The following MUC4 variants were observed in gnomAD, a reference collection of about 807,000 sequenced individuals.
MUC4 encodes the protein mucin 4, cell surface associated, also known as mucin-4.
In MUC4, 202 loss-of-function variants were observed where a neutral mutation model predicts 257.9. That is an observed-to-expected ratio of 0.78 (90% confidence interval 0.70 to 0.88). MUC4 has a LOEUF of 0.88. Ranked by LOEUF, MUC4 falls within the 40% of genes least tolerant of loss-of-function variation. The pLI is 0.00. For synonymous variants in MUC4, 2,351 were observed against 2,757.1 expected, an observed-to-expected ratio of 0.85 and a Z score of 4.62; for missense variants, 5,976 against 6,513.7, an observed-to-expected ratio of 0.92 and a Z score of 2.84.
intron 3 of MUC4, 94 bp downstream of exon 3, chr3:195,778,209 C>A: frequency 6.9e-7 from 1 of 1,443,292 alleles, no homozygotes; most frequent in African/African-American, 1.5e-5. Flanking sequence ...GCCCTCCCCA[C>A]CCGAGAGAGC....
intron 21 of MUC4, chr3:195,751,702 T>C: frequency 3.8e-6 from 1 of 261,530 alleles, no homozygotes; most frequent in South Asian, 6.3e-5. Flanking sequence ...AGGTGACAAA[T>C]GTCAACAGAT....
At chr3:195,774,026 G>T in intron 4 of MUC4, 146 bp downstream of exon 4, 1 of 1,116,794 alleles carries the variant, frequency 9.0e-7, no homozygotes, top group Non-Finnish European at 1.2e-6. Context: ...CTCAGGCAGA[G>T]GCCTGACATT....
At chr3:195,753,281 C>G in intron 19 of MUC4, 51 bp from the exon 20 acceptor site, 1 of 1,574,780 alleles carries the variant, frequency 6.4e-7, no homozygotes, top group Non-Finnish European at 8.7e-7. Context: ...AGCAGAGGGA[C>G]GGCCCAGCCC....
At chr3:195,765,167 G>A (rs758829562) in intron 9 of MUC4, 45 bp from the exon 10 acceptor site, 3 of 1,589,026 alleles carry the variant, frequency 1.9e-6, no homozygotes, top group Admixed American at 3.4e-5. Flanking sequence ...GGGGCTGCCA[G>A]GGGCGGGGTG....
Position 195,788,932 on chromosome 3 carries a change from C to A in MUC4, c.2648G>T (p.Gly883Val), listed in dbSNP as rs781736727. Residue 883 changes from glycine (G) to valine (V), a missense_variant, in exon 2 of 25, where the codon GGG becomes GTG. This residue lies in a region of MUC4 where 1,583 missense variants were observed against 1,257.4 expected (regional missense o/e 1.26). Transcript: ENST00000463781. Reference protein sequence around the residue: ...HPTLSEASTAGRPTGQSSPTS... With the variant: ...HPTLSEASTAVRPTGQSSPTS... ...TGGGCTTGACTGTCCTGTCGGTCTC[C>A]CTGCAGTGGAGGCCTCAGAGAGGGT... The A allele has an allele frequency of 5.0e-6, 8 of 1,613,406 alleles. No individual in the cohort carries two copies. In the East Asian group the frequency reaches 1.8e-4, roughly 36 times the overall value.
In MUC4 at chr3:195,782,683, G is replaced by T. The variant is rs1460224375; in HGVS notation, c.8897C>A (p.Thr2966Asn). 7.6e-7 allele frequency: 1 copy of T among 1,315,826 alleles called. No homozygotes were observed. Among genetic ancestry groups the T allele is most frequent in the Admixed American group, 2.2e-5 (1 of 45,322 alleles). 81.5% of individuals were successfully genotyped at this position (1,315,826 alleles called of 1,614,324 possible). A position where few individuals can be genotyped will look rare whatever the true frequency, so the allele number is the denominator to read the frequency against. The change falls in exon 2 of 25, where the codon ACT (threonine) becomes AAT (asparagine). Residue 2966 changes from threonine (T) to asparagine (N), a missense_variant. This residue lies in a region of MUC4 where 13 missense variants were observed against 52.4 expected (regional missense o/e 0.25). Coordinates refer to ENST00000463781, the MANE Select transcript of MUC4 (RefSeq NM_018406.7). The part of the protein sequence containing the change: ...GHATSLPVTD[T>N]SSASTGHATP... ...GGCGTGACCTGTGGATGCTGAGGAAGTGTCGGTGACAGGAAGAGAGGTGGC... is the reference window on the plus strand; with the variant it reads ...GGCGTGACCTGTGGATGCTGAGGAATTGTCGGTGACAGGAAGAGAGGTGGC...
intron 14 of MUC4, 120 bp downstream of exon 14, chr3:195,761,967 G>T: frequency 2.5e-6 from 3 of 1,220,558 alleles, no homozygotes; most frequent in Non-Finnish European, 3.4e-6. Flanking sequence ...TGCCCCAAGG[G>T]TTCTGCTCCA....
Position 195,765,014 on chromosome 3 carries a change from T to C in MUC4, c.13907A>G (p.Gln4636Arg). The change falls in exon 10 of 25, where the codon CAG (glutamine) becomes CGG (arginine). Residue 4636 changes from glutamine (Q) to arginine (R), a missense_variant. Physicochemically the swap from Gln to Arg is conservative, Grantham distance 43 (BLOSUM62 1). Around this residue, in one of 44 missense-constraint regions of MUC4, gnomAD observed 996 missense variants for 1,137.3 expected, o/e 0.88. Transcript: ENST00000463781. ...WGEFREGWHV[Q>R]RPWQLAQELE... is the part of the protein sequence containing the mutation. Reference sequence around the variant, plus strand: ...TCACGCACCCAACTGCCAAGGACGCTGCACGTGCCAGCCTTCACGAAACTC... The same window carrying C: ...TCACGCACCCAACTGCCAAGGACGCCGCACGTGCCAGCCTTCACGAAACTC... 1 of 1,613,900 alleles carries C rather than the reference T, an allele frequency of 6.2e-7. No individual in the cohort carries two copies. Among genetic ancestry groups the C allele is most frequent in the South Asian group, 1.1e-5 (1 of 91,082 alleles).
chr3:195,783,872 A>C lies in MUC4; in HGVS notation c.7708T>G (p.Ser2570Ala). The stretch of plus-strand genomic sequence containing the variant: ...GGAAGAGGGGTGGCGTGACCTGTGG[A>C]TGCTGCGGAAGTGTCGGTGACAGGA... ...SLPVTDTSAA[S>A]TGHATPLPVT... Residue 2570 changes from serine (S) to alanine (A), a missense_variant, in exon 2 of 25, where the codon TCC becomes GCC. Ser to Ala is a moderately conservative substitution (Grantham distance 99). Coordinates refer to ENST00000463781, the MANE Select transcript of MUC4 (RefSeq NM_018406.7). 1 of 1,506,874 alleles carries C rather than the reference A, an allele frequency of 6.6e-7. No homozygotes were observed. Among genetic ancestry groups the C allele is most frequent in the Non-Finnish European group, 8.9e-7 (1 of 1,121,088 alleles). 93.3% of individuals were successfully genotyped at this position (1,506,874 alleles called of 1,614,324 possible). A position where few individuals can be genotyped will look rare whatever the true frequency, so the allele number is the denominator to read the frequency against.
chr3:195,762,751 C>CGGCCCTGCACCGCCACGCACCA, intron 13 of MUC4, 104 bp downstream of exon 13: 5 of 1,060,366 alleles, frequency 4.7e-6, no homozygotes, highest in South Asian at 3.6e-5. Flanking sequence ...ACAACGCACC[C>CGGCCCTGCACCGCCACGCACCA]GGCCCTGCAC....
rs543953318 is a variant in MUC4 at position 195,779,369 on chromosome 3, A to T, written c.12211T>A (p.Ser4071Thr). 2.7e-6 allele frequency: 3 copies of T among 1,120,040 alleles called. 1 individual carries two copies. The highest frequency in any genetic ancestry group is 3.6e-6 in the Non-Finnish European group (3 of 830,214). 69.4% of individuals were successfully genotyped at this position (1,120,040 alleles called of 1,614,324 possible). A position where few individuals can be genotyped will look rare whatever the true frequency, so the allele number is the denominator to read the frequency against. Residue 4071 changes from serine to threonine, a missense_variant, in exon 2 of 25, where the codon TCC becomes ACC. Around this residue, in one of 44 missense-constraint regions of MUC4, gnomAD observed 293 missense variants for 294.5 expected, o/e 1.00. Coordinates refer to ENST00000463781, the MANE Select transcript of MUC4 (RefSeq NM_018406.7). ...CTGGTGTCACCTCTGGATGCTGAGG[A>T]AGGGCTGGTGACATGAAGAGGGGTG... ...HATPLHVTSP[S>T]SASRGDTSTL... is the part of the protein sequence containing the mutation.
In MUC4 at chr3:195,811,912, C is replaced by A; in HGVS notation, c.-95G>T. On this transcript the variant is annotated 5_prime_UTR_variant, in exon 1 of 25. Transcript: ENST00000463781. ...GACGTGAGCCCGTCCCCTCAGGCGG[C>A]TGGCCCGAACCAAGTGCGTTTCTCC... The A allele has an allele frequency of 8.0e-7, 1 of 1,251,872 alleles. No homozygotes were observed. Among genetic ancestry groups the A allele is most frequent in the Non-Finnish European group, 1.1e-6 (1 of 886,746 alleles). The allele number at this position is 1,251,872 out of a possible 1,614,324, so 77.5% of individuals were successfully genotyped here. A position where few individuals can be genotyped will look rare whatever the true frequency, so the allele number is the denominator to read the frequency against.
At chr3:195,769,472 C>T in intron 6 of MUC4, 1 of 329,910 alleles carries the variant, frequency 3.0e-6, no homozygotes, top group Non-Finnish European at 5.7e-6. Flanking sequence ...TGAGATCAGC[C>T]AAGATACCAG....
chr3:195,771,169 T>C (rs1174270908), intron 5 of MUC4, among the ~76,000 whole-genome samples: 1 of 136,826 alleles, frequency 7.3e-6, no homozygotes, highest in Non-Finnish European at 1.6e-5. Flanking sequence ...TCCTGGTCAG[T>C]CTCGTGGTTG....
Position 195,757,081 on chromosome 3 carries a change from A to C in MUC4, c.15168+66T>G. On this transcript the variant is annotated intron_variant, in intron 18 of 24. Coordinates refer to ENST00000463781, the MANE Select transcript of MUC4 (RefSeq NM_018406.7). This position sits in a 1 kb window ranked among gnomAD's most constrained non-coding sequence, Gnocchi z 4.8. ...CACCCAGGACAGGCAGAATCACAGC[A>C]TCCATTCCACTCCCATTTCCTCTCC... The C allele has an allele frequency of 6.7e-7, 1 of 1,497,518 alleles. No individual in the cohort carries two copies. Among genetic ancestry groups the C allele is most frequent in the Non-Finnish European group, 9.1e-7 (1 of 1,094,088 alleles). 92.8% of individuals were successfully genotyped at this position (1,497,518 alleles called of 1,614,324 possible).
Position 195,769,061 on chromosome 3 carries a change from G to A in MUC4, c.13490C>T (p.Ala4497Val). Reference sequence around the variant, plus strand: ...GAGCACCGGGTTGCCTGAGCGCTGGGCCACGTCCCACTGCATCCCACCGCT... The same window carrying A: ...GAGCACCGGGTTGCCTGAGCGCTGGACCACGTCCCACTGCATCCCACCGCT... ...YQSGGMQWDV[A>V]QRSGNPVLMG... is the part of the protein sequence containing the mutation. Residue 4497 changes from alanine to valine, a missense_variant, in exon 7 of 25, where the codon GCC becomes GTC. Physicochemically the swap from Ala to Val is moderately conservative, Grantham distance 64 (BLOSUM62 0). Transcript: ENST00000463781. 2 of 1,614,038 alleles carry A rather than the reference G, an allele frequency of 1.2e-6. No homozygotes were observed. The highest frequency in any genetic ancestry group is 1.7e-6 in the Non-Finnish European group (2 of 1,180,000).
intron 21 of MUC4, 151 bp downstream of exon 21, chr3:195,752,222 C>T (rs1217261402): frequency 1.4e-6 from 1 of 712,714 alleles, no homozygotes; most frequent in Admixed American, 2.4e-5. Flanking sequence ...TTCCTAATGC[C>T]CTGCACCTCC....
intron 1 of MUC4, among the ~76,000 whole-genome samples, chr3:195,799,581 C>T (rs561062235): frequency 1.7e-4 from 26 of 152,248 alleles, no homozygotes; most frequent in African/African-American, 5.8e-4. Flanking sequence ...GGATTACAGG[C>T]GTGAGCCACC....
At position 195,784,680 on chromosome 3, in the gene MUC4, A is replaced by C. The variant is rs1459649931; in HGVS notation, c.6900T>G (p.Gly2300=). The stretch of plus-strand genomic sequence containing the variant: ...CGGTGACATGAAGAGGGGTGGCGTG[A>C]CCTGTGGATGCTGAGGAAGGGCTAG... ...PVTSPSSAST[G]HATPLHVTDA... The change falls in exon 2 of 25, where the codon GGT becomes GGG. Residue 2300 remains glycine, a synonymous_variant. Coordinates refer to ENST00000463781, the MANE Select transcript of MUC4 (RefSeq NM_018406.7). The C allele has an allele frequency of 7.0e-7, 1 of 1,438,084 alleles. No individual in the cohort carries two copies. Among genetic ancestry groups the C allele is most frequent in the Non-Finnish European group, 9.2e-7 (1 of 1,085,860 alleles). 89.1% of individuals were successfully genotyped at this position (1,438,084 alleles called of 1,614,324 possible). A position where few individuals can be genotyped will look rare whatever the true frequency, so the allele number is the denominator to read the frequency against.
Sources: gnomAD v4.1 joint callset for allele counts (sites outside exome capture counted in the v4.1 genomes callset) on GRCh38, gnomAD v4.1.1 for gene constraint, gnomAD v4.1.1 regional missense constraint, Gnocchi (gnomAD v3.1) non-coding constraint, MANE v1.5 for transcripts, NCBI Gene and HGNC (gene_info 2026-07-23, HGNC 2026-07-21) for gene names.